Variants in ARHGEF2 observed in about 807,000 individuals in gnomAD.
The protein encoded by ARHGEF2 is Rho/Rac guanine nucleotide exchange factor 2.
A neutral mutation model predicts 121.0 loss-of-function variants in ARHGEF2; 22 were observed. The ratio of observed to expected loss-of-function variants is 0.18; its 90% CI spans 0.13 to 0.26. The LOEUF (loss-of-function observed/expected upper bound fraction) is 0.26. Ranked by LOEUF, ARHGEF2 falls within the 10% of genes least tolerant of loss-of-function variation. The pLI, the probability that ARHGEF2 is intolerant of heterozygous loss-of-function variation, is 1.00. For synonymous variants in ARHGEF2, 487 were observed against 530.0 expected (o/e 0.92, Z 1.11); for missense variants, 907 against 1,336.0 (o/e 0.68, Z 5.01).
Position 155,951,906 on chromosome 1 carries a change from C to G in ARHGEF2, c.2172+13G>C, listed in dbSNP as rs1557996718. On this transcript the variant is annotated intron_variant, in intron 17 of 21. Transcript: ENST00000361247. The surrounding 1 kb of genome is among the most constrained non-coding windows in gnomAD (Gnocchi z 5.1). ...ACCCTCTTGCCAAGTCCCAGAACCT[C>G]TTGAGGACCTACCCTCTGGCTAGAG... The G allele has an allele frequency of 6.2e-7, 1 of 1,614,028 alleles. No homozygotes were observed. Among genetic ancestry groups the G allele is most frequent in the East Asian group, 2.2e-5 (1 of 44,886 alleles).
chr1:155,965,903 GC>G lies in ARHGEF2; in HGVS notation c.341-144del. On this transcript the variant is annotated intron_variant, in intron 4 of 21. Transcript: ENST00000361247. This position sits in a 1 kb window ranked among gnomAD's most constrained non-coding sequence, Gnocchi z 6.0. The stretch of plus-strand genomic sequence containing the variant: ...AGTCAAGAAAGATGGTAATGAGAAT[GC>G]CACCTTACATTTGTGCCATACTCTA... 9.6e-7 allele frequency: 1 copy of G among 1,040,262 alleles called. No individual in the cohort carries two copies. The highest frequency in any genetic ancestry group is 1.3e-6 in the Non-Finnish European group (1 of 755,534). 64.4% of individuals were successfully genotyped at this position (1,040,262 alleles called of 1,614,324 possible).
rs779778010 is a variant in ARHGEF2 at position 155,951,000 on chromosome 1, C to G, written c.2532G>C (p.Gln844His). 7.9e-5 allele frequency: 127 copies of G among 1,608,556 alleles called. 2 individuals are homozygous for G. Among genetic ancestry groups the G allele is most frequent in the Non-Finnish European group, 2.5e-6 (3 of 1,178,822 alleles). The stretch of plus-strand genomic sequence containing the variant: ...CCTCACGCTCCAGCAGTGCCCGGGC[C>G]TGCTCACTCTCCCGGAGCCGGGCCT... ...SLEARLRESEQARALLEREAE... is the reference protein window; with the variant it reads ...SLEARLRESEHARALLEREAE... Residue 844 changes from glutamine to histidine, a missense_variant, in exon 20 of 22, where the codon CAG (glutamine) becomes CAC (histidine). By Grantham distance (24) the Gln-to-His change is conservative. This residue lies in a region of ARHGEF2 where 432 missense variants were observed against 559.5 expected (regional missense o/e 0.77). Transcript: ENST00000361247. The surrounding 1 kb of genome is among the most constrained non-coding windows in gnomAD (Gnocchi z 5.2).
rs1306042222 is a variant in ARHGEF2 at position 155,966,470 on chromosome 1, C to T, written c.286G>A (p.Ala96Thr). ...GCGGTGTTGTTCTTCAGCAGGGCCG[C>T]TTTCTGTTGCTGTGAGACAGAGAGC... Reference protein sequence around the residue: ...CTKVKQKQQKAALLKNNTALQ... With the variant: ...CTKVKQKQQKTALLKNNTALQ... The change falls in exon 4 of 22, where the codon GCG becomes ACG. Residue 96 changes from alanine to threonine, a missense_variant. By Grantham distance (58) the Ala-to-Thr change is moderately conservative. Coordinates refer to ENST00000361247, the MANE Select transcript of ARHGEF2 (RefSeq NM_001162383.2). 6.2e-7 allele frequency: 1 copy of T among 1,614,154 alleles called. No homozygotes were observed. Among genetic ancestry groups the T allele is most frequent in the Admixed American group, 1.7e-5 (1 of 60,026 alleles).
rs1298232145 is a variant in ARHGEF2 at position 155,961,627 on chromosome 1, T to A, written c.1468+34A>T. ...GCATCTCCCACTCTCCATCTGACTT[T>A]GAATTCCTGCCTAGTCTGCCGAGCA... On this transcript the variant is annotated intron_variant, in intron 11 of 21. Coordinates refer to ENST00000361247, the MANE Select transcript of ARHGEF2 (RefSeq NM_001162383.2). This position sits in a 1 kb window ranked among gnomAD's most constrained non-coding sequence, Gnocchi z 4.7. 1.3e-6 allele frequency: 2 copies of A among 1,590,848 alleles called. No individual in the cohort carries two copies. The highest frequency in any genetic ancestry group is 2.7e-5 in the African/African-American group (2 of 74,626).
In ARHGEF2 at chr1:155,954,973, G is replaced by A. The variant is rs762184049; in HGVS notation, c.1716-4C>T. ...GAAGTCCTCCCTGGATGGGCATCTG[G>A]AGGGGTAACAGGTCGCATGCCATTG... On this transcript the variant is annotated splice_polypyrimidine_tract_variant and splice_region_variant and intron_variant, in intron 13 of 21. Transcript: ENST00000361247. 1 of 1,611,446 alleles carries A rather than the reference G, an allele frequency of 6.2e-7. No individual in the cohort carries two copies. The highest frequency in any genetic ancestry group is 8.5e-7 in the Non-Finnish European group (1 of 1,178,784).
upstream of ARHGEF2, chr1:155,978,762 C>T: frequency 6.0e-6 from 5 of 833,968 alleles, no homozygotes; most frequent in Non-Finnish European, 7.5e-6. This position sits in a 1 kb window ranked among gnomAD's most constrained non-coding sequence, Gnocchi z 4.1. Context: ...CTGGGGGCGC[C>T]CTCTAGCCCC....
At chr1:155,960,744 G>A (rs375882786) in intron 11 of ARHGEF2, among the ~76,000 whole-genome samples, 1 of 152,222 alleles carries the variant, frequency 6.6e-6, no homozygotes, top group East Asian at 1.9e-4. Flanking sequence ...CAGAGGCTCA[G>A]GCAGGCTTTG....
Position 155,978,301 on chromosome 1 carries a change from C to G in ARHGEF2, c.63+64G>C. On this transcript the variant is annotated intron_variant, in intron 1 of 21. Coordinates refer to ENST00000361247, the MANE Select transcript of ARHGEF2 (RefSeq NM_001162383.2). The surrounding 1 kb of genome is among the most constrained non-coding windows in gnomAD (Gnocchi z 4.1). ...AGGCGGGGAGACAGGAGATGCACCG[C>G]GGGTGCCGGGGTTCGGGGAGCACCC... 13 of 1,407,026 alleles carry G rather than the reference C, an allele frequency of 9.2e-6. No homozygotes were observed. In the South Asian group the frequency reaches 1.8e-4, roughly 20 times the overall value. The allele number at this position is 1,407,026 out of a possible 1,614,324, so 87.2% of individuals were successfully genotyped here. A position where few individuals can be genotyped will look rare whatever the true frequency, so the allele number is the denominator to read the frequency against.
rs1679253072 is a variant in ARHGEF2 at position 155,965,766 on chromosome 1, G to T, written c.341-6C>A. On this transcript the variant is annotated splice_region_variant and splice_polypyrimidine_tract_variant and intron_variant, in intron 4 of 21. Transcript: ENST00000361247. This position sits in a 1 kb window ranked among gnomAD's most constrained non-coding sequence, Gnocchi z 6.0. Reference sequence around the variant, plus strand: ...TGGCCGCTCCCGGATGGTTGCTGTGGGGGAGAGATGCCCAGCAGGCAAACA... The same window carrying T: ...TGGCCGCTCCCGGATGGTTGCTGTGTGGGAGAGATGCCCAGCAGGCAAACA... The T allele has an allele frequency of 1.9e-6, 3 of 1,587,822 alleles. No individual in the cohort carries two copies. The highest frequency in any genetic ancestry group is 2.6e-6 in the Non-Finnish European group (3 of 1,173,234).
rs1218711285 is a variant in ARHGEF2, at chr1:155,962,342, C to T, written c.1102-120G>A. 2 of 1,140,712 alleles carry T rather than the reference C, an allele frequency of 1.8e-6. No individual in the cohort carries two copies. Among genetic ancestry groups the T allele is most frequent in the Non-Finnish European group, 2.5e-6 (2 of 796,238 alleles). 70.7% of individuals were successfully genotyped at this position (1,140,712 alleles called of 1,614,324 possible). A position where few individuals can be genotyped will look rare whatever the true frequency, so the allele number is the denominator to read the frequency against. The stretch of plus-strand genomic sequence containing the variant: ...CCTCATGCTTGCCTAGGTGACATAT[C>T]TGGAAAATGGGGATAACAACGCCAC... On this transcript the variant is annotated intron_variant, in intron 9 of 21. Transcript: ENST00000361247. This position sits in a 1 kb window ranked among gnomAD's most constrained non-coding sequence, Gnocchi z 5.8.
In ARHGEF2 at chr1:155,970,607, G is replaced by C. The variant is rs1408806033; in HGVS notation, c.64-1307C>G. 14 of 985,488 alleles carry C rather than the reference G, an allele frequency of 1.4e-5. No individual in the cohort carries two copies. The South Asian group carries it at 6.1e-4, about 43-fold the overall frequency. 61.0% of individuals were successfully genotyped at this position (985,488 alleles called of 1,614,324 possible). ...ACTGGGGACAGAGGATTACAGTTCA[G>C]CGGGAAGCACTCAGCCCGGACTCTA... On this transcript the variant is annotated intron_variant, in intron 1 of 21. Transcript: ENST00000361247.
Position 155,970,221 on chromosome 1 carries a change from C to T in ARHGEF2, c.64-921G>A, listed in dbSNP as rs1045996672. 1.6e-5 allele frequency: 16 copies of T among 980,710 alleles called. No homozygotes were observed. The Admixed American group carries it at 1.9e-4, about 12-fold the overall frequency. The allele number at this position is 980,710 out of a possible 1,614,324, so 60.8% of individuals were successfully genotyped here. On this transcript the variant is annotated intron_variant, in intron 1 of 21. Coordinates refer to ENST00000361247, the MANE Select transcript of ARHGEF2 (RefSeq NM_001162383.2). ...CCCTCCATCCTTCAGTGTTGATCTC[C>T]GCAGATGGCGCACACCTTCCTCGGA...
chr1:155,978,356 C>T lies in ARHGEF2; in HGVS notation c.63+9G>A, dbSNP rs768456334. ...ACCGCGGCGAAAGGAGAGGGGTTTC[C>T]GAGCCCACCTTGCTCGCCAGCTCTC... On this transcript the variant is annotated intron_variant, in intron 1 of 21. Coordinates refer to ENST00000361247, the MANE Select transcript of ARHGEF2 (RefSeq NM_001162383.2). The surrounding 1 kb of genome is among the most constrained non-coding windows in gnomAD (Gnocchi z 4.1). The T allele has an allele frequency of 3.4e-5, 52 of 1,507,356 alleles. No homozygotes were observed. The African/African-American group carries it at 5.7e-4, about 17-fold the overall frequency. The allele number at this position is 1,507,356 out of a possible 1,614,324, so 93.4% of individuals were successfully genotyped here. A position where few individuals can be genotyped will look rare whatever the true frequency, so the allele number is the denominator to read the frequency against.
In ARHGEF2 at chr1:155,978,523, G is replaced by A; in HGVS notation, c.-96C>T. On this transcript the variant is annotated 5_prime_UTR_variant, in exon 1 of 22. Coordinates refer to ENST00000361247, the MANE Select transcript of ARHGEF2 (RefSeq NM_001162383.2). The surrounding 1 kb of genome is among the most constrained non-coding windows in gnomAD (Gnocchi z 4.1). ...GGAGGGGTTCGGCCCGCACGCGTTG[G>A]TCTCGGGGACAGGAAGTCTGACTCC... 1 of 1,297,042 alleles carries A rather than the reference G, an allele frequency of 7.7e-7. No individual in the cohort carries two copies. The allele number at this position is 1,297,042 out of a possible 1,614,324, so 80.3% of individuals were successfully genotyped here.
Position 155,957,749 on chromosome 1 carries a change from C to T in ARHGEF2, c.1679G>A (p.Ser560Asn). 5.0e-6 allele frequency: 8 copies of T among 1,613,988 alleles called. No individual in the cohort carries two copies. Among genetic ancestry groups the T allele is most frequent in the Non-Finnish European group, 6.8e-6 (8 of 1,179,950 alleles). Residue 560 changes from serine (S) to asparagine (N), a missense_variant, in exon 13 of 22, where the codon AGC becomes AAC. This residue lies in a region of ARHGEF2 where 475 missense variants were observed against 776.5 expected (regional missense o/e 0.61). Coordinates refer to ENST00000361247, the MANE Select transcript of ARHGEF2 (RefSeq NM_001162383.2). The part of the protein sequence containing the change: ...EVHTASRDDR[S>N]TWIRVIQQSV... ...CTGCTGAATGACCCGGATCCAGGTG[C>T]TCCGGTCATCCCGGGATGCTGTGTG...
intron 14 of ARHGEF2, among the ~76,000 whole-genome samples, chr1:155,954,258 C>T (rs1423232612): frequency 6.6e-6 from 1 of 150,434 alleles, no homozygotes; most frequent in Non-Finnish European, 1.5e-5. Flanking sequence ...AAGGCGTGAG[C>T]CACTGCATCC....
intron 13 of ARHGEF2, among the ~76,000 whole-genome samples, chr1:155,957,512 G>A (rs1216713369): frequency 6.6e-6 from 1 of 152,212 alleles, no homozygotes; most frequent in East Asian, 1.9e-4. Context: ...GGGAGTTGAG[G>A]TTGGCAATGT....
Position 155,947,620 on chromosome 1 carries a change from G to C in ARHGEF2, c.*322C>G, listed in dbSNP as rs1468828603. 5.4e-6 allele frequency: 2 copies of C among 372,906 alleles called. No homozygotes were observed. The highest frequency in any genetic ancestry group is 4.2e-5 in the African/African-American group (2 of 47,884). The allele number at this position is 372,906 out of a possible 1,614,324, so 23.1% of individuals were successfully genotyped here. A position where few individuals can be genotyped will look rare whatever the true frequency, so the allele number is the denominator to read the frequency against. On this transcript the variant is annotated 3_prime_UTR_variant, in exon 22 of 22. Coordinates refer to ENST00000361247, the MANE Select transcript of ARHGEF2 (RefSeq NM_001162383.2). ...AAGGCCCTCTGATCCCTATGGCTTGGTTCCCATGTCCCTGGTCCTTTAAAT... is the reference window on the plus strand; with the variant it reads ...AAGGCCCTCTGATCCCTATGGCTTGCTTCCCATGTCCCTGGTCCTTTAAAT...
chr1:155,978,345 A>T lies in ARHGEF2; in HGVS notation c.63+20T>A. 5 of 1,503,550 alleles carry T rather than the reference A, an allele frequency of 3.3e-6. No homozygotes were observed. The highest frequency in any genetic ancestry group is 4.5e-6 in the Non-Finnish European group (5 of 1,114,190). The allele number at this position is 1,503,550 out of a possible 1,614,324, so 93.1% of individuals were successfully genotyped here. The stretch of plus-strand genomic sequence containing the variant: ...AGCACCCGAGGACCGCGGCGAAAGG[A>T]GAGGGGTTTCCGAGCCCACCTTGCT... On this transcript the variant is annotated intron_variant, in intron 1 of 21. Coordinates refer to ENST00000361247, the MANE Select transcript of ARHGEF2 (RefSeq NM_001162383.2). The surrounding 1 kb of genome is among the most constrained non-coding windows in gnomAD (Gnocchi z 4.1).
Sources: allele counts gnomAD v4.1 joint callset (sites outside exome capture counted in the v4.1 genomes callset), GRCh38; gene constraint gnomAD v4.1.1; regional missense constraint gnomAD v4.1.1; non-coding constraint Gnocchi (gnomAD v3.1); transcripts MANE v1.5; gene names NCBI Gene and HGNC (gene_info 2026-07-23, HGNC 2026-07-21).